Variants in SDK1 observed in about 807,000 individuals in gnomAD.
The protein encoded by SDK1 is protein sidekick-1.
Under a neutral mutation model 245.5 loss-of-function variants are expected in SDK1, and 157 were observed. The ratio of observed to expected loss-of-function variants is 0.64; its 90% CI spans 0.56 to 0.73. The LOEUF (loss-of-function observed/expected upper bound fraction) is 0.73. Among genes scored for constraint, SDK1 ranks in the 30% least tolerant of loss-of-function variants. The pLI is 0.00. For synonymous variants in SDK1, 1,647 were observed against 1,278.5 expected (o/e 1.29, Z -6.15); for missense variants, 3,583 against 3,002.3 (o/e 1.19, Z -4.52).
At chr7:4,158,305 A>T in intron 30 of SDK1, 143 bp from the exon 31 acceptor site, 2 of 633,016 alleles carry the variant, frequency 3.2e-6, no homozygotes, top group South Asian at 3.8e-5. Flanking sequence ...CCTCCTTGCT[A>T]AGCTGTCTCG....
At chr7:3,441,128 A>T (rs1780182475) in intron 1 of SDK1, among the ~76,000 whole-genome samples, 1 of 152,214 alleles carries the variant, frequency 6.6e-6, no homozygotes, top group African/African-American at 2.4e-5. Context: ...GTACAGTGAA[A>T]TATTTTGAGA....
At chr7:3,851,316 A>C (rs1357841239) in intron 5 of SDK1, among the ~76,000 whole-genome samples, 1 of 152,158 alleles carries the variant, frequency 6.6e-6, no homozygotes, top group Non-Finnish European at 1.5e-5. Flanking sequence ...TTAATGAAGG[A>C]ATTATTCTAT....
chr7:3,756,317 G>A (rs1344424081), intron 4 of SDK1, among the ~76,000 whole-genome samples: 1 of 150,994 alleles, frequency 6.6e-6, no homozygotes, highest in Non-Finnish European at 1.5e-5. Context: ...CCTTTCACAT[G>A]GCATAGCACG....
At chr7:4,070,868 C>G (rs974646647) in intron 20 of SDK1, among the ~76,000 whole-genome samples, 2 of 152,056 alleles carry the variant, frequency 1.3e-5, no homozygotes, top group Non-Finnish European at 2.9e-5. Flanking sequence ...AGCCACCACG[C>G]CTGGCTAATT....
chr7:3,955,465 C>G (rs1389984643), intron 7 of SDK1, among the ~76,000 whole-genome samples: 2 of 152,158 alleles, frequency 1.3e-5, no homozygotes, highest in Admixed American at 6.5e-5. Context: ...GATACCTAAT[C>G]CCACCTGCAG....
intron 31 of SDK1, among the ~76,000 whole-genome samples, chr7:4,160,683 A>G (rs1359229964): frequency 1.3e-5 from 2 of 152,222 alleles, no homozygotes; most frequent in Non-Finnish European, 2.9e-5. Flanking sequence ...TCACAACTCA[A>G]GGACATTGAG....
intron 4 of SDK1, among the ~76,000 whole-genome samples, chr7:3,648,410 C>A (rs373454285): frequency 6.6e-6 from 1 of 152,138 alleles, no homozygotes; most frequent in East Asian, 1.9e-4. Flanking sequence ...CCTGGAAATG[C>A]AAAGTTTATA....
intron 1 of SDK1, among the ~76,000 whole-genome samples, chr7:3,584,954 G>C (rs1230422721): frequency 6.6e-6 from 1 of 152,056 alleles, no homozygotes; most frequent in Non-Finnish European, 1.5e-5. Flanking sequence ...CCGATCTCCT[G>C]ACCTCGTAAT....
intron 1 of SDK1, among the ~76,000 whole-genome samples, chr7:3,358,008 G>A (rs1275518695): frequency 6.6e-6 from 1 of 151,936 alleles, no homozygotes; most frequent in Non-Finnish European, 1.5e-5. Context: ...GCTATTCCCA[G>A]TCATTTTCTT....
chr7:4,207,152 G>A (rs1471252177), intron 36 of SDK1, among the ~76,000 whole-genome samples: 1 of 152,170 alleles, frequency 6.6e-6, no homozygotes, highest in African/African-American at 2.4e-5. Context: ...CACCAGTCAG[G>A]GCCTGCCCAG....
At chr7:3,957,081 A>T (rs1314160577) in intron 7 of SDK1, among the ~76,000 whole-genome samples, 1 of 152,222 alleles carries the variant, frequency 6.6e-6, no homozygotes, top group Admixed American at 6.5e-5. Flanking sequence ...AAATAGTTGC[A>T]AAAGTTACAC....
At chr7:4,076,412 C>T (rs1780681718) in intron 20 of SDK1, among the ~76,000 whole-genome samples, 1 of 152,062 alleles carries the variant, frequency 6.6e-6, no homozygotes, top group South Asian at 2.1e-4. Context: ...AAAAATTAGC[C>T]AGGCATGGTG....
intron 1 of SDK1, among the ~76,000 whole-genome samples, chr7:3,355,663 A>G (rs1339520165): frequency 6.6e-6 from 1 of 152,144 alleles, no homozygotes. Context: ...TCAGCTTTCC[A>G]CCGACAAATC....
At chr7:3,669,286 C>G (rs190584544) in intron 4 of SDK1, among the ~76,000 whole-genome samples, 1 of 152,256 alleles carries the variant, frequency 6.6e-6, no homozygotes, top group Admixed American at 6.5e-5. Context: ...ACTGCTTTGT[C>G]TCATAAACAG....
rs143217924 is a variant in SDK1 at position 3,594,583 on chromosome 7, A to G, written c.299-24497A>G. Among the ~76,000 whole-genome samples the G allele has an allele frequency of 1.3e-4, 20 of 152,272 alleles. No homozygotes were observed. The East Asian group carries it at 3.7e-3, about 28-fold the overall frequency. On this transcript the variant is annotated intron_variant, in intron 1 of 44. Transcript: ENST00000404826. ...CATGTATGAGGGTTCTGATTTCTCC[A>G]CATCCTTGCCAACACTTGTAATTGT...
chr7:4,098,521 C>T (rs927176652), intron 22 of SDK1, among the ~76,000 whole-genome samples: 2 of 152,012 alleles, frequency 1.3e-5, no homozygotes, highest in African/African-American at 4.8e-5. Flanking sequence ...TTATTAAGCA[C>T]CTACTGTTTT....
intron 1 of SDK1, among the ~76,000 whole-genome samples, chr7:3,480,893 G>A (rs1324327106): frequency 6.6e-6 from 1 of 152,196 alleles, no homozygotes; most frequent in African/African-American, 2.4e-5. Flanking sequence ...CTTCCAGTTA[G>A]TGTTTCTCTG....
At chr7:4,175,360 C>G (rs1782130782) in intron 33 of SDK1, among the ~76,000 whole-genome samples, 1 of 152,224 alleles carries the variant, frequency 6.6e-6, no homozygotes, top group Admixed American at 6.5e-5. Context: ...GGCTTACGCA[C>G]CTGGTCGCGC....
At chr7:4,069,483 C>T (rs1237245682) in intron 20 of SDK1, among the ~76,000 whole-genome samples, 1 of 152,230 alleles carries the variant, frequency 6.6e-6, no homozygotes, top group Non-Finnish European at 1.5e-5. Context: ...GAGTGAGTTG[C>T]CCGTCCTGAC....
Sources: gnomAD v4.1 joint callset for allele counts (sites outside exome capture counted in the v4.1 genomes callset) on GRCh38, gnomAD v4.1.1 for gene constraint, MANE v1.5 for transcripts, NCBI Gene and HGNC (gene_info 2026-07-23, HGNC 2026-07-21) for gene names.